ERN1: variants seen among roughly 807,000 people sequenced by gnomAD.
ERN1 encodes serine/threonine-protein kinase/endoribonuclease IRE1.
A neutral mutation model predicts 113.1 loss-of-function variants in ERN1; 39 were observed. The ratio of observed to expected loss-of-function variants is 0.34; its 90% CI spans 0.27 to 0.45. ERN1 has a LOEUF of 0.45. ERN1 is among the 20% of genes least tolerant of loss of function. The pLI, the probability that ERN1 is intolerant of heterozygous loss-of-function variation, is 1.00. For synonymous variants in ERN1, 507 were observed against 515.9 expected (o/e 0.98, Z 0.23); for missense variants, 976 against 1,274.8 (o/e 0.77, Z 3.57).
intron 2 of ERN1, among the ~76,000 whole-genome samples, chr17:64,090,740 T>C (rs1350310478): frequency 6.6e-6 from 1 of 152,178 alleles, no homozygotes; most frequent in African/African-American, 2.4e-5. Flanking sequence ...GAGAAATGCA[T>C]TACTTTGAAG....
chr17:64,111,908 A>G (rs1914682414), intron 1 of ERN1, among the ~76,000 whole-genome samples: 1 of 152,258 alleles, frequency 6.6e-6, no homozygotes, highest in African/African-American at 2.4e-5. Flanking sequence ...ATCAGGAAGT[A>G]AACCAAACTC....
chr17:64,099,400 G>A (rs1914320476), intron 1 of ERN1, among the ~76,000 whole-genome samples: 1 of 151,996 alleles, frequency 6.6e-6, no homozygotes, highest in Non-Finnish European at 1.5e-5. Flanking sequence ...GTGACAGCTG[G>A]TAAGGTTTCC....
At chr17:64,126,867 C>T (rs1915094511) in intron 1 of ERN1, among the ~76,000 whole-genome samples, 1 of 151,640 alleles carries the variant, frequency 6.6e-6, no homozygotes, top group African/African-American at 2.4e-5. Context: ...TTAAAAACCT[C>T]CCTCTAAAAC....
rs578243028 is a variant in ERN1 at position 64,049,864 on chromosome 17, T to C, written c.2254-662A>G. ...GTTTTTTAGCTCATGCTACCTGGGG[T>C]GTAATACCAAGGTGGTTCCTGAGCA... On this transcript the variant is annotated intron_variant, in intron 17 of 21. Coordinates refer to ENST00000433197, the MANE Select transcript of ERN1 (RefSeq NM_001433.5). The surrounding 1 kb of genome is among the most constrained non-coding windows in gnomAD (Gnocchi z 4.7). Among the ~76,000 whole-genome samples the C allele has an allele frequency of 7.9e-5, 12 of 152,158 alleles. No homozygotes were observed. The highest frequency in any genetic ancestry group is 2.9e-4 in the African/African-American group (12 of 41,494).
intron 9 of ERN1, among the ~76,000 whole-genome samples, 164 bp downstream of exon 9, chr17:64,065,045 T>C (rs1913174719): frequency 6.6e-6 from 1 of 152,244 alleles, no homozygotes; most frequent in Admixed American, 6.5e-5. Context: ...TCATGTATCT[T>C]TCTTTCAAAG....
intron 19 of ERN1, among the ~76,000 whole-genome samples, chr17:64,046,762 C>T (rs556805039): frequency 4.6e-5 from 7 of 152,316 alleles, no homozygotes; most frequent in South Asian, 2.1e-4. Context: ...CTTCTCAGTA[C>T]GGTGCCCACC....
intron 6 of ERN1, among the ~76,000 whole-genome samples, chr17:64,068,648 C>T (rs757846137): frequency 1.4e-4 from 22 of 152,274 alleles, no homozygotes; most frequent in African/African-American, 3.4e-4. Flanking sequence ...AGCAGGATGG[C>T]GCCATAACAA....
At chr17:64,098,271 T>C in intron 1 of ERN1, 30 bp from the exon 2 acceptor site, 1 of 1,613,534 alleles carries the variant, frequency 6.2e-7, no homozygotes, top group Non-Finnish European at 8.5e-7. Context: ...ACTCTTAATG[T>C]TGATATGATT....
chr17:64,049,583 C>T lies in ERN1; in HGVS notation c.2254-381G>A, dbSNP rs890016639. 2.0e-5 allele frequency among the ~76,000 whole-genome samples: 3 copies of T among 152,200 alleles called. No homozygotes were observed. Among genetic ancestry groups the T allele is most frequent in the African/African-American group, 7.2e-5 (3 of 41,456 alleles). ...TCCTTACCCCCAACACGAAAGTGCT[C>T]ACAGACAGGGTCTCTGTGTCGTTGC... On this transcript the variant is annotated intron_variant, in intron 17 of 21. Transcript: ENST00000433197. This position sits in a 1 kb window ranked among gnomAD's most constrained non-coding sequence, Gnocchi z 4.7.
Position 64,044,301 on chromosome 17 carries a change from G to T in ERN1, c.2722-101C>A. The T allele has an allele frequency of 1.2e-6, 1 of 822,844 alleles. No individual in the cohort carries two copies. Among genetic ancestry groups the T allele is most frequent in the Non-Finnish European group, 1.8e-6 (1 of 555,692 alleles). The allele number at this position is 822,844 out of a possible 1,614,324, so 51.0% of individuals were successfully genotyped here. A position where few individuals can be genotyped will look rare whatever the true frequency, so the allele number is the denominator to read the frequency against. ...ATCATGCAAGGAAGAGACAGAATGT[G>T]AGTGTTGGTTTTTGGTAAAGAAAAA... is the stretch of plus-strand genomic sequence containing the variant. On this transcript the variant is annotated intron_variant, in intron 21 of 21. Coordinates refer to ENST00000433197, the MANE Select transcript of ERN1 (RefSeq NM_001433.5). The surrounding 1 kb of genome is among the most constrained non-coding windows in gnomAD (Gnocchi z 4.1).
At chr17:64,052,673 C>T in intron 17 of ERN1, 107 bp downstream of exon 17, 1 of 971,990 alleles carries the variant, frequency 1.0e-6, no homozygotes, top group Non-Finnish European at 1.5e-6. Context: ...ATGCCATTCT[C>T]CAGCTACACG....
At chr17:64,117,074 T>C (rs973163581) in intron 1 of ERN1, among the ~76,000 whole-genome samples, 6 of 151,352 alleles carry the variant, frequency 4.0e-5, no homozygotes, top group African/African-American at 1.2e-4. Context: ...ATCATGCCAC[T>C]GCCCTCACTC....
At chr17:64,087,927 G>A (rs997193823) in intron 2 of ERN1, among the ~76,000 whole-genome samples, 4 of 152,152 alleles carry the variant, frequency 2.6e-5, no homozygotes, top group African/African-American at 4.8e-5. Flanking sequence ...AAATTCGTGA[G>A]GGCCTGGGGA....
At position 64,043,712 on chromosome 17, in the gene ERN1, GCTA is replaced by G; in HGVS notation, c.*273_*275del. 3 of 352,466 alleles carry G rather than the reference GCTA, an allele frequency of 8.5e-6. No homozygotes were observed. The highest frequency in any genetic ancestry group is 9.4e-5 in the Admixed American group (2 of 21,356). The allele number at this position is 352,466 out of a possible 1,614,324, so 21.8% of individuals were successfully genotyped here. A position where few individuals can be genotyped will look rare whatever the true frequency, so the allele number is the denominator to read the frequency against. ...GTTTATCCAGTAGATGGCTGGGGGT[GCTA>G]CTCGCGCTGTCTCTGAGGCCCTCCT... is the stretch of plus-strand genomic sequence containing the variant. On this transcript the variant is annotated 3_prime_UTR_variant, in exon 22 of 22. Coordinates refer to ENST00000433197, the MANE Select transcript of ERN1 (RefSeq NM_001433.5).
At chr17:64,100,781 C>CAATAAATA (rs58244964) in intron 1 of ERN1, among the ~76,000 whole-genome samples, 2,237 of 151,494 alleles carry the variant, frequency 0.015, 55 homozygotes, top group African/African-American at 0.051. Context: ...GACTCTGTCT[C>CAATAAATA]AATAAATAAA....
chr17:64,126,018 G>A (rs767845074), intron 1 of ERN1, among the ~76,000 whole-genome samples: 10 of 152,142 alleles, frequency 6.6e-5, no homozygotes, highest in Non-Finnish European at 1.5e-4. Flanking sequence ...AAAACCAGCT[G>A]TGTTGCTCTA....
intron 9 of ERN1, among the ~76,000 whole-genome samples, chr17:64,064,882 C>T (rs1054111783): frequency 2.6e-5 from 4 of 152,226 alleles, no homozygotes; most frequent in East Asian, 1.9e-4. Flanking sequence ...GGTTGGGCCA[C>T]GCAACTCACA....
chr17:64,119,376 G>GTTGTTTTTTTTTTTTTTTTT (rs777806993), intron 1 of ERN1, among the ~76,000 whole-genome samples: 6 of 77,896 alleles, frequency 7.7e-5, no homozygotes, highest in African/African-American at 3.3e-4. Context: ...TTTTTTCTAG[G>GTTGTTTTTTTTTTTTTTTTT]TTTTTTTTTT....
chr17:64,054,718 G>A lies in ERN1; in HGVS notation c.1763+20C>T. ...TTAGACACCAGGCGGTGAGGGCAGG[G>A]GGCTGGCTAATCCACTCACCGGTAC... On this transcript the variant is annotated intron_variant, in intron 14 of 21. Coordinates refer to ENST00000433197, the MANE Select transcript of ERN1 (RefSeq NM_001433.5). This position sits in a 1 kb window ranked among gnomAD's most constrained non-coding sequence, Gnocchi z 4.9. 1 of 1,580,088 alleles carries A rather than the reference G, an allele frequency of 6.3e-7. No homozygotes were observed. Among genetic ancestry groups the A allele is most frequent in the Non-Finnish European group, 8.6e-7 (1 of 1,158,022 alleles).
Sources: allele counts gnomAD v4.1 joint callset (sites outside exome capture counted in the v4.1 genomes callset), GRCh38; gene constraint gnomAD v4.1.1; non-coding constraint Gnocchi (gnomAD v3.1); transcripts MANE v1.5; gene names NCBI Gene and HGNC (gene_info 2026-07-23, HGNC 2026-07-21).